The following ANKH variants were observed in gnomAD, a reference collection of about 807,000 sequenced individuals.
The protein encoded by ANKH is ANKH inorganic pyrophosphate transport regulator.
A neutral mutation model predicts 49.0 loss-of-function variants in ANKH; 15 were observed. That is an observed-to-expected ratio of 0.31 (90% CI 0.20 to 0.47). The LOEUF is 0.47. Ranked by LOEUF, ANKH falls within the 20% of genes least tolerant of loss-of-function variation. The pLI, the probability that ANKH is intolerant of heterozygous loss-of-function variation, is 1.00. For synonymous variants in ANKH, 273 were observed against 260.0 expected (o/e 1.05, Z -0.48); for missense variants, 429 against 652.0 (o/e 0.66, Z 3.72).
chr5:14,711,263 G>A lies in ANKH; in HGVS notation c.1413C>T (p.Ala471=). Residue 471 remains alanine, a synonymous_variant, in exon 12 of 12, where the codon GCC becomes GCT. Transcript: ENST00000284268. Reference sequence around the variant, plus strand: ...CCTCTGTCGGAGGCATGTCTGTCATGGCAGAGTCTTCCCCCTCCGTGGCCG... The same window carrying A: ...CCTCTGTCGGAGGCATGTCTGTCATAGCAGAGTCTTCCCCCTCCGTGGCCG... ...NESATEGEDS[A]MTDMPPTEEV... 2 of 1,614,036 alleles carry A rather than the reference G, an allele frequency of 1.2e-6. No homozygotes were observed. Among genetic ancestry groups the A allele is most frequent in the African/African-American group, 1.3e-5 (1 of 74,982 alleles).
intron 7 of ANKH, among the ~76,000 whole-genome samples, chr5:14,742,598 T>C (rs1738397044): frequency 6.6e-6 from 1 of 152,138 alleles, no homozygotes; most frequent in Non-Finnish European, 1.5e-5. Context: ...GGGCCCCACC[T>C]CCTGTAAAGC....
chr5:14,758,193 T>C (rs946299649), intron 3 of ANKH, among the ~76,000 whole-genome samples: 1 of 152,242 alleles, frequency 6.6e-6, no homozygotes, highest in South Asian at 2.1e-4. Context: ...CGCTGTATGA[T>C]TCCACTCTTT....
rs142071795 is a variant in ANKH at position 14,713,066 on chromosome 5, G to C, written c.1266-93C>G. On this transcript the variant is annotated intron_variant, in intron 10 of 11. Transcript: ENST00000284268. This position sits in a 1 kb window ranked among gnomAD's most constrained non-coding sequence, Gnocchi z 4.4. ...AACCCAGGAAAGTAAGTGTAGCCTCGAGACGGCTGAGACCAGCGGCGTTCT... is the reference window on the plus strand; with the variant it reads ...AACCCAGGAAAGTAAGTGTAGCCTCCAGACGGCTGAGACCAGCGGCGTTCT... 7 of 1,195,754 alleles carry C rather than the reference G, an allele frequency of 5.9e-6. No homozygotes were observed. In the Admixed American group the frequency reaches 1.4e-4, roughly 24 times the overall value. 74.1% of individuals were successfully genotyped at this position (1,195,754 alleles called of 1,614,324 possible).
chr5:14,747,908 T>G (rs1738589751), intron 6 of ANKH, among the ~76,000 whole-genome samples: 1 of 152,190 alleles, frequency 6.6e-6, no homozygotes, highest in Non-Finnish European at 1.5e-5. Context: ...CTTGCTGCTC[T>G]GGTGGAATAG....
chr5:14,726,023 G>C (rs1422191466), intron 8 of ANKH, among the ~76,000 whole-genome samples: 4 of 152,164 alleles, frequency 2.6e-5, no homozygotes, highest in Non-Finnish European at 5.9e-5. Flanking sequence ...AATGTGATTG[G>C]GACAGGAATG....
In ANKH at chr5:14,708,629, G is replaced by A. The variant is rs1434859437; in HGVS notation, c.*2568C>T. On this transcript the variant is annotated 3_prime_UTR_variant, in exon 12 of 12. Coordinates refer to ENST00000284268, the MANE Select transcript of ANKH (RefSeq NM_054027.6). Reference sequence around the variant, plus strand: ...TGCCAGTTCTCAGTTTTGCCTCAAAGTTGTTAGGCTGTGACTTAAGCAGCC... The same window carrying A: ...TGCCAGTTCTCAGTTTTGCCTCAAAATTGTTAGGCTGTGACTTAAGCAGCC... The A allele has an allele frequency of 6.6e-6, 1 of 152,252 alleles. No individual in the cohort carries two copies. The highest frequency in any genetic ancestry group is 1.5e-5 in the Non-Finnish European group (1 of 68,066). The allele number at this position is 152,252 out of a possible 1,614,324, so 9.4% of individuals were successfully genotyped here.
chr5:14,846,213 T>C (rs944428700), intron 1 of ANKH, among the ~76,000 whole-genome samples: 1 of 152,192 alleles, frequency 6.6e-6, no homozygotes, highest in Non-Finnish European at 1.5e-5. Context: ...TTGGTAAATA[T>C]GCATAAGGCA....
At chr5:14,760,713 CCAA>C (rs1199968047) in intron 2 of ANKH, among the ~76,000 whole-genome samples, 1 of 152,184 alleles carries the variant, frequency 6.6e-6, no homozygotes, top group African/African-American at 2.4e-5. Flanking sequence ...GAACACAATG[CCAA>C]GTGCAAGAGC....
At chr5:14,767,102 C>T (rs1304051476) in intron 2 of ANKH, among the ~76,000 whole-genome samples, 1 of 152,062 alleles carries the variant, frequency 6.6e-6, no homozygotes, top group African/African-American at 2.4e-5. Context: ...GGAAGAATGG[C>T]TGGGGGGTGG....
At chr5:14,788,596 G>A (rs1740053933) in intron 1 of ANKH, among the ~76,000 whole-genome samples, 1 of 152,202 alleles carries the variant, frequency 6.6e-6, no homozygotes, top group South Asian at 2.1e-4. Context: ...GATCATCAGT[G>A]ACTAATTAAT....
intron 8 of ANKH, among the ~76,000 whole-genome samples, chr5:14,739,584 C>CA (rs1273492132): frequency 2.6e-5 from 4 of 152,050 alleles, no homozygotes; most frequent in East Asian, 1.9e-4. Context: ...TTTTAATGGG[C>CA]AAAAAATCAC....
intron 8 of ANKH, among the ~76,000 whole-genome samples, chr5:14,727,136 CATCT>C: frequency 6.6e-6 from 1 of 152,232 alleles, no homozygotes; most frequent in East Asian, 1.9e-4. Flanking sequence ...TGAAAAATGA[CATCT>C]ATTACTGAGA....
At position 14,776,881 on chromosome 5, in the gene ANKH, G is replaced by A. The variant is rs367868806; in HGVS notation, c.97-7690C>T. ...CTCCAACAACTGTGAATATGAAGCC[G>A]CCCTTTAATCACAGCCTGGGTCTGG... On this transcript the variant is annotated intron_variant, in intron 1 of 11. Transcript: ENST00000284268. Among the ~76,000 whole-genome samples, 6 of 152,320 alleles carry A rather than the reference G, an allele frequency of 3.9e-5. No homozygotes were observed. The South Asian group carries it at 8.3e-4, about 21-fold the overall frequency.
chr5:14,732,969 C>T (rs576934026), intron 8 of ANKH, among the ~76,000 whole-genome samples: 1 of 152,224 alleles, frequency 6.6e-6, no homozygotes, highest in Admixed American at 6.5e-5. Context: ...TGACAGACAG[C>T]CCCCCCAGCT....
rs1736945526 is a variant in ANKH, at chr5:14,706,349, T to C, written c.*4848A>G. The stretch of plus-strand genomic sequence containing the variant: ...AAAACATTATCACTAAAATGAAATA[T>C]TTTAAAAGATACTGGCTATAATTCT... On this transcript the variant is annotated 3_prime_UTR_variant, in exon 12 of 12. Coordinates refer to ENST00000284268, the MANE Select transcript of ANKH (RefSeq NM_054027.6). 6.6e-6 allele frequency: 1 copy of C among 152,226 alleles called. No individual in the cohort carries two copies. The highest frequency in any genetic ancestry group is 2.1e-4 in the South Asian group (1 of 4,834). 9.4% of individuals were successfully genotyped at this position (152,226 alleles called of 1,614,324 possible).
At position 14,828,581 on chromosome 5, in the gene ANKH, TTTCTTC is replaced by T. The variant is rs765515910; in HGVS notation, c.96+42765_96+42770del. Among the ~76,000 whole-genome samples the T allele has an allele frequency of 6.8e-4, 103 of 152,202 alleles. 1 individual carries two copies. The highest frequency in any genetic ancestry group is 1.0e-3 in the Non-Finnish European group (71 of 67,998). ...AAAAGTTTCCTCTTCTTTTCTTTTC[TTTCTTC>T]TTCTTTTTTTTAATACCATAATGCA... On this transcript the variant is annotated intron_variant, in intron 1 of 11. Transcript: ENST00000284268.
intron 1 of ANKH, among the ~76,000 whole-genome samples, chr5:14,794,492 G>A (rs901704656): frequency 6.6e-6 from 1 of 152,164 alleles, no homozygotes; most frequent in Non-Finnish European, 1.5e-5. Context: ...ATCTTCTTTC[G>A]TATCCTAATT....
intron 5 of ANKH, among the ~76,000 whole-genome samples, chr5:14,749,968 T>A (rs1386845148): frequency 6.6e-6 from 1 of 152,260 alleles, no homozygotes; most frequent in African/African-American, 2.4e-5. Context: ...GAGAGTTACA[T>A]CATGGAACCA....
rs910731205 is a variant in ANKH, at chr5:14,785,918, C to T, written c.97-16727G>A. On this transcript the variant is annotated intron_variant, in intron 1 of 11. Coordinates refer to ENST00000284268, the MANE Select transcript of ANKH (RefSeq NM_054027.6). Reference sequence around the variant, plus strand: ...AAAATTAGCCAGGCATGTTGGCAGGCGCCTGTAATCCCAGCTACTTGGGAG... The same window carrying T: ...AAAATTAGCCAGGCATGTTGGCAGGTGCCTGTAATCCCAGCTACTTGGGAG... Among the ~76,000 whole-genome samples, 49 of 151,678 alleles carry T rather than the reference C, an allele frequency of 3.2e-4. 1 individual carries two copies. The highest frequency in any genetic ancestry group is 6.8e-3 in the Middle Eastern group (2 of 292).
Sources: gnomAD v4.1 joint callset for allele counts (sites outside exome capture counted in the v4.1 genomes callset) on GRCh38, gnomAD v4.1.1 for gene constraint, Gnocchi (gnomAD v3.1) non-coding constraint, MANE v1.5 for transcripts, NCBI Gene and HGNC (gene_info 2026-07-23, HGNC 2026-07-21) for gene names.